NRG1: variants seen among roughly 807,000 people sequenced by gnomAD.
The protein encoded by NRG1 is neuregulin 1, also known as pro-neuregulin-1, membrane-bound isoform.
In NRG1, 18 loss-of-function variants were observed where a neutral mutation model predicts 63.8. The observed-to-expected ratio is 0.28, with a 90% CI of 0.19 to 0.42. NRG1 has a LOEUF of 0.42. Ranked by LOEUF, NRG1 falls within the 10% of genes least tolerant of loss-of-function variation. The pLI is 1.00. For missense variants in NRG1, 762 were observed against 814.7 expected (o/e 0.94, Z 0.79); for synonymous variants, 302 against 301.3 (o/e 1.00, Z -0.02).
chr8:32,512,639 G>A (rs1157487400), intron 1 of NRG1, among the ~76,000 whole-genome samples: 2 of 152,146 alleles, frequency 1.3e-5, no homozygotes, highest in Non-Finnish European at 2.9e-5. Context: ...GAAAAAATAG[G>A]TAACTTGTTC....
At chr8:32,402,859 G>C (rs1444174885) in intron 1 of NRG1, among the ~76,000 whole-genome samples, 1 of 152,172 alleles carries the variant, frequency 6.6e-6, no homozygotes, top group Admixed American at 6.5e-5. Flanking sequence ...ACTACCCACG[G>C]TTTCAGGCAT....
intron 1 of NRG1, among the ~76,000 whole-genome samples, chr8:32,565,626 C>T (rs372561953): frequency 6.6e-6 from 1 of 152,204 alleles, no homozygotes; most frequent in Non-Finnish European, 1.5e-5. Context: ...CTGTTTTCCC[C>T]CCTAAACCTA....
rs114826854 is a variant in NRG1 at position 32,506,288 on chromosome 8, T to C, written c.38-89540T>C. On this transcript the variant is annotated intron_variant, in intron 1 of 10. Coordinates refer to the NRG1 transcript ENST00000519301. ...ACAAAACAAAACAAACAGAGCATGC[T>C]GTTACTAGATCTAAGTCAAGTTCTC... Among the ~76,000 whole-genome samples the C allele has an allele frequency of 3.7e-3, 569 of 152,136 alleles. 5 individuals are homozygous for C. Among genetic ancestry groups the C allele is most frequent in the African/African-American group, 0.013 (543 of 41,514 alleles).
intron 1 of NRG1, among the ~76,000 whole-genome samples, chr8:31,856,851 C>A (rs982769092): frequency 2.0e-5 from 3 of 151,844 alleles, no homozygotes; most frequent in Admixed American, 2.0e-4. Context: ...CTCAGCTGCA[C>A]TTCTGTTGGA....
chr8:31,924,949 C>G (rs180752601), intron 1 of NRG1, among the ~76,000 whole-genome samples: 1 of 150,886 alleles, frequency 6.6e-6, no homozygotes, highest in Admixed American at 6.6e-5. Flanking sequence ...TTAATTCTAC[C>G]GTGGTCAGAG....
chr8:32,387,407 CAA>C (rs1334212662), intron 1 of NRG1, among the ~76,000 whole-genome samples: 1 of 152,114 alleles, frequency 6.6e-6, no homozygotes, highest in Non-Finnish European at 1.5e-5. Context: ...GTCCAGCCCA[CAA>C]AAAAGATGAA....
At chr8:31,860,314 C>G (rs1828354088) in intron 1 of NRG1, among the ~76,000 whole-genome samples, 1 of 152,170 alleles carries the variant, frequency 6.6e-6, no homozygotes, top group Non-Finnish European at 1.5e-5. Context: ...TGCTATAATA[C>G]TCATAATGCT....
exon 8 of NRG1, chr8:32,754,436 G>T: frequency 6.2e-7 from 1 of 1,613,836 alleles, no homozygotes; most frequent in Non-Finnish European, 8.5e-7. Flanking sequence ...CCCTCCTTGT[G>T]GTCGGCATCA....
At chr8:31,977,884 G>T (rs558763810) in intron 1 of NRG1, among the ~76,000 whole-genome samples, 10 of 152,060 alleles carry the variant, frequency 6.6e-5, no homozygotes, top group African/African-American at 1.9e-4. Context: ...ATTTGGAAGG[G>T]TAACAAATGT....
At chr8:31,728,137 G>A (rs1483393055) in intron 1 of NRG1, among the ~76,000 whole-genome samples, 1 of 152,130 alleles carries the variant, frequency 6.6e-6, no homozygotes, top group Non-Finnish European at 1.5e-5. Context: ...GAAACCATGA[G>A]AAGTGAAACT....
In NRG1 at chr8:31,689,044, T is replaced by C. The variant is rs147005267; in HGVS notation, c.37+49613T>C. ...TCCTCCATCTTAAAAGCCAGCAGACTCACATCTTCAAATCTCTATCTAACT... is the reference window on the plus strand; with the variant it reads ...TCCTCCATCTTAAAAGCCAGCAGACCCACATCTTCAAATCTCTATCTAACT... On this transcript the variant is annotated intron_variant, in intron 1 of 10. Transcript: ENST00000519301. 3.7e-3 allele frequency among the ~76,000 whole-genome samples: 571 copies of C among 152,308 alleles called. 6 individuals carry two copies. Among genetic ancestry groups the C allele is most frequent in the Non-Finnish European group, 6.1e-3 (415 of 68,018 alleles).
intron 1 of NRG1, among the ~76,000 whole-genome samples, chr8:31,826,718 G>A (rs1034796258): frequency 6.6e-6 from 1 of 152,200 alleles, no homozygotes; most frequent in African/African-American, 2.4e-5. Context: ...GTGCTTAGGT[G>A]TGGAGTAGAA....
intron 1 of NRG1, among the ~76,000 whole-genome samples, chr8:32,311,026 T>C (rs1263941268): frequency 6.6e-6 from 1 of 152,222 alleles, no homozygotes; most frequent in African/African-American, 2.4e-5. Flanking sequence ...TCCTCTTCCA[T>C]GTTCATAGAT....
intron 1 of NRG1, among the ~76,000 whole-genome samples, chr8:31,864,878 G>C (rs1299556193): frequency 6.6e-6 from 1 of 152,146 alleles, no homozygotes; most frequent in African/African-American, 2.4e-5. Flanking sequence ...GCTGAAGTGT[G>C]TGCAAGAGAT....
chr8:32,430,813 G>C (rs1226882003), intron 1 of NRG1, among the ~76,000 whole-genome samples: 1 of 145,598 alleles, frequency 6.9e-6, no homozygotes, highest in Non-Finnish European at 1.5e-5. Context: ...TGTATTTTTG[G>C]TACATCAGAA....
At chr8:32,281,099 A>G in intron 1 of NRG1, among the ~76,000 whole-genome samples, 1 of 151,332 alleles carries the variant, frequency 6.6e-6, no homozygotes, top group South Asian at 2.1e-4. Context: ...TACATGGGTA[A>G]ATTGCATGTT....
intron 5 of NRG1, among the ~76,000 whole-genome samples, chr8:32,654,843 G>C (rs1190567011): frequency 1.3e-5 from 2 of 152,226 alleles, no homozygotes. Flanking sequence ...TATGTTCCTA[G>C]CAGATTATTA....
In NRG1 at chr8:31,914,410, GT is replaced by G. The variant is rs139903551; in HGVS notation, c.37+274991del. On this transcript the variant is annotated intron_variant, in intron 1 of 10. Coordinates refer to the NRG1 transcript ENST00000519301. Reference sequence around the variant, plus strand: ...GAAGAAATTTCCTGGCCAGTTTTTGGTTTTTTTTTTTTGAAGATGACTGCTG... The same window carrying G: ...GAAGAAATTTCCTGGCCAGTTTTTGGTTTTTTTTTTTGAAGATGACTGCTG... Among the ~76,000 whole-genome samples the G allele has an allele frequency of 9.5e-3, 1,362 of 144,058 alleles. 20 individuals are homozygous for G. Among genetic ancestry groups the G allele is most frequent in the African/African-American group, 0.032 (1,264 of 39,084 alleles). 94.5% of individuals were successfully genotyped at this position (144,058 alleles called of 152,430 possible).
At chr8:32,098,688 C>T (rs1208475219) in intron 1 of NRG1, 2 of 152,182 alleles carry the variant, frequency 1.3e-5, no homozygotes, top group Non-Finnish European at 2.9e-5. Context: ...AAGCCTTTCA[C>T]CAGTGTAACC....
Sources: allele counts gnomAD v4.1 joint callset (sites outside exome capture counted in the v4.1 genomes callset), GRCh38; gene constraint gnomAD v4.1.1; transcripts MANE v1.5; gene names NCBI Gene and HGNC (gene_info 2026-07-23, HGNC 2026-07-21).